GRM7: variants seen among roughly 807,000 people sequenced by gnomAD.
The protein encoded by GRM7 is metabotropic glutamate receptor 7.
A neutral mutation model predicts 84.5 loss-of-function variants in GRM7; 35 were observed. The observed-to-expected ratio is 0.41, with a 90% CI of 0.32 to 0.55. The LOEUF is 0.55. Ranked by LOEUF, GRM7 falls within the 20% of genes least tolerant of loss-of-function variation. GRM7 has a pLI of 0.19. For missense variants in GRM7, 1,003 were observed against 1,194.6 expected (o/e 0.84, Z 2.36); for synonymous variants, 487 against 455.1 (o/e 1.07, Z -0.89).
At chr3:7,107,145 A>T (rs1044149785) in intron 1 of GRM7, among the ~76,000 whole-genome samples, 4 of 152,018 alleles carry the variant, frequency 2.6e-5, no homozygotes, top group Admixed American at 2.6e-4. Context: ...TCATCCAGCA[A>T]ACTGTTACTG....
intron 9 of GRM7, among the ~76,000 whole-genome samples, chr3:7,734,426 C>G (rs769106778): frequency 6.6e-6 from 1 of 152,124 alleles, no homozygotes; most frequent in African/African-American, 2.4e-5. Flanking sequence ...TTAAAGTGAA[C>G]AGCTTACAGA....
At chr3:6,869,990 G>A (rs1255935347) in intron 1 of GRM7, among the ~76,000 whole-genome samples, 3 of 151,520 alleles carry the variant, frequency 2.0e-5, no homozygotes, top group Non-Finnish European at 2.9e-5. Context: ...AAAAGTAAAA[G>A]CTCTCTCTCT....
intron 1 of GRM7, among the ~76,000 whole-genome samples, chr3:7,143,453 A>G (rs558300868): frequency 5.4e-4 from 82 of 152,246 alleles, no homozygotes; most frequent in African/African-American, 1.9e-3. Context: ...CAAAATAAGT[A>G]CCATTGGATA....
At chr3:7,333,874 C>T (rs570811985) in intron 4 of GRM7, among the ~76,000 whole-genome samples, 10 of 151,836 alleles carry the variant, frequency 6.6e-5, no homozygotes, top group South Asian at 4.2e-4. Context: ...CTTCAGAGCT[C>T]GAAGACAAGG....
At chr3:6,864,516 T>C (rs893120137) in intron 1 of GRM7, among the ~76,000 whole-genome samples, 3 of 152,182 alleles carry the variant, frequency 2.0e-5, no homozygotes, top group African/African-American at 7.2e-5. Flanking sequence ...AAGGATATAG[T>C]GAATCTTGTC....
chr3:6,918,540 C>T (rs891937989), intron 1 of GRM7, among the ~76,000 whole-genome samples: 1 of 152,124 alleles, frequency 6.6e-6, no homozygotes, highest in Non-Finnish European at 1.5e-5. Flanking sequence ...ATGCCTGTTT[C>T]CCCTTCCATT....
chr3:7,385,257 G>A (rs956504831), intron 4 of GRM7, among the ~76,000 whole-genome samples: 1 of 136,546 alleles, frequency 7.3e-6, no homozygotes, highest in African/African-American at 2.7e-5. Flanking sequence ...TGATAAAAAA[G>A]CACTTATTTG....
intron 6 of GRM7, among the ~76,000 whole-genome samples, chr3:7,460,611 A>G (rs2124906582): frequency 6.6e-6 from 1 of 152,214 alleles, no homozygotes; most frequent in South Asian, 2.1e-4. Flanking sequence ...GCAGTCATAT[A>G]TCATATTATC....
intron 1 of GRM7, among the ~76,000 whole-genome samples, chr3:7,017,057 G>A (rs1695592185): frequency 6.6e-6 from 1 of 152,176 alleles, no homozygotes; most frequent in South Asian, 2.1e-4. Context: ...CTGCTTCAGA[G>A]GCACTTAAAA....
At chr3:6,941,381 T>C (rs1689925470) in intron 1 of GRM7, among the ~76,000 whole-genome samples, 1 of 152,218 alleles carries the variant, frequency 6.6e-6, no homozygotes, top group Admixed American at 6.5e-5. Context: ...TTATATTGAA[T>C]AGATACTTAT....
At chr3:7,207,068 G>A (rs1228627256) in intron 2 of GRM7, among the ~76,000 whole-genome samples, 1 of 152,152 alleles carries the variant, frequency 6.6e-6, no homozygotes, top group Non-Finnish European at 1.5e-5. Flanking sequence ...TAATCTGAAA[G>A]AGAAATAGAA....
In GRM7 at chr3:7,408,649, A is replaced by G. The variant is rs147123618; in HGVS notation, c.1034-6374A>G. On this transcript the variant is annotated intron_variant, in intron 4 of 9. Transcript: ENST00000357716. Reference sequence around the variant, plus strand: ...GTCCCTGGCCTCCAGGACCTCAAAGATTCTCAAGAGAGGCAGACAAGAAAC... The same window carrying G: ...GTCCCTGGCCTCCAGGACCTCAAAGGTTCTCAAGAGAGGCAGACAAGAAAC... 3.3e-5 allele frequency among the ~76,000 whole-genome samples: 5 copies of G among 152,300 alleles called. No individual in the cohort carries two copies. In the East Asian group the frequency reaches 9.7e-4, roughly 29 times the overall value.
At chr3:7,004,270 T>C (rs1204109773) in intron 1 of GRM7, among the ~76,000 whole-genome samples, 1 of 152,160 alleles carries the variant, frequency 6.6e-6, no homozygotes, top group East Asian at 1.9e-4. Context: ...GCAACCATAG[T>C]AAAAATTTTT....
At chr3:7,170,943 G>C (rs774089188) in intron 2 of GRM7, among the ~76,000 whole-genome samples, 2 of 152,160 alleles carry the variant, frequency 1.3e-5, no homozygotes, top group Non-Finnish European at 2.9e-5. Context: ...GATACATGCA[G>C]ACACATGTCT....
intron 8 of GRM7, among the ~76,000 whole-genome samples, chr3:7,632,275 A>G (rs1392636205): frequency 2.6e-5 from 4 of 152,160 alleles, no homozygotes; most frequent in East Asian, 1.9e-4. Context: ...CGTGGTATAG[A>G]GACTATATTG....
intron 9 of GRM7, among the ~76,000 whole-genome samples, chr3:7,703,846 A>G (rs1052486196): frequency 1.1e-4 from 17 of 152,176 alleles, no homozygotes; most frequent in African/African-American, 3.9e-4. Flanking sequence ...CAAGTTCTGT[A>G]TCTTGAGGCC....
chr3:7,638,293 A>G (rs1353282936), intron 8 of GRM7, among the ~76,000 whole-genome samples: 1 of 152,204 alleles, frequency 6.6e-6, no homozygotes, highest in African/African-American at 2.4e-5. Flanking sequence ...TCATTATAAA[A>G]CAGAATACCC....
intron 4 of GRM7, among the ~76,000 whole-genome samples, chr3:7,360,748 G>A (rs1693624782): frequency 6.6e-6 from 1 of 152,108 alleles, no homozygotes; most frequent in Non-Finnish European, 1.5e-5. Flanking sequence ...GATGTAGCCT[G>A]ATTATGGGCA....
At chr3:7,369,700 G>C (rs1694054823) in intron 4 of GRM7, among the ~76,000 whole-genome samples, 1 of 152,102 alleles carries the variant, frequency 6.6e-6, no homozygotes, top group Admixed American at 6.6e-5. Flanking sequence ...TCCAACTAAA[G>C]TCTGAAGTTT....
Sources: gnomAD v4.1 joint callset for allele counts (sites outside exome capture counted in the v4.1 genomes callset) on GRCh38, gnomAD v4.1.1 for gene constraint, MANE v1.5 for transcripts, NCBI Gene and HGNC (gene_info 2026-07-23, HGNC 2026-07-21) for gene names.